The following KCNMA1 variants were observed in gnomAD, a reference collection of about 807,000 sequenced individuals.
KCNMA1 encodes the protein Calcium-activated potassium channel subunit alpha-1.
KCNMA1 carries 29 observed loss-of-function variants against 140.0 expected under a neutral mutation model. The observed-to-expected ratio is 0.21, with a 90% CI of 0.15 to 0.28. KCNMA1 has a LOEUF of 0.28. Ranked by LOEUF, KCNMA1 falls within the 10% of genes least tolerant of loss-of-function variation. The pLI, the probability that KCNMA1 is intolerant of heterozygous loss-of-function variation, is 1.00. For synonymous variants in KCNMA1, 612 were observed against 611.9 expected (o/e 1.00, Z 0.00); for missense variants, 880 against 1,602.2 (o/e 0.55, Z 7.70).
chr10:77,350,038 AC>A (rs1356147072), intron 2 of KCNMA1, among the ~76,000 whole-genome samples: 1 of 152,102 alleles, frequency 6.6e-6, no homozygotes, highest in East Asian at 1.9e-4. Context: ...AGCTGGGACT[AC>A]AGGCGCCTGC....
At chr10:77,136,962 T>G (rs985696772) in intron 5 of KCNMA1, among the ~76,000 whole-genome samples, 1 of 152,128 alleles carries the variant, frequency 6.6e-6, no homozygotes, top group Non-Finnish European at 1.5e-5. Context: ...CCTTCGAAAC[T>G]TGCTGCCCAG....
intron 20 of KCNMA1, among the ~76,000 whole-genome samples, chr10:76,956,381 C>A (rs995897216): frequency 6.6e-6 from 1 of 152,112 alleles, no homozygotes; most frequent in Non-Finnish European, 1.5e-5. Context: ...AGAGGTATGC[C>A]ACACTACACT....
At chr10:77,251,013 C>T (rs900951142) in intron 3 of KCNMA1, 182 bp downstream of exon 3, 6 of 634,596 alleles carry the variant, frequency 9.5e-6, no homozygotes, top group African/African-American at 1.8e-5. Context: ...TCAAAATAGC[C>T]TTCCTTCTGA....
At chr10:77,436,997 C>CACACACACACACACACA (rs59376789) in intron 1 of KCNMA1, among the ~76,000 whole-genome samples, 1 of 126,866 alleles carries the variant, frequency 7.9e-6, no homozygotes, top group African/African-American at 2.8e-5. Flanking sequence ...CACACACACA[C>CACACACACACACACACA]TCCTTCAGCC....
chr10:77,217,447 A>G, intron 3 of KCNMA1: 1 of 453,270 alleles, frequency 2.2e-6, no homozygotes. Context: ...TCCCAACATC[A>G]ACTGGTATGT....
intron 3 of KCNMA1, among the ~76,000 whole-genome samples, chr10:77,233,743 G>T (rs751386103): frequency 6.6e-6 from 1 of 152,140 alleles, no homozygotes; most frequent in Non-Finnish European, 1.5e-5. Flanking sequence ...CCCCTTTCTC[G>T]TTATCTCTTT....
chr10:76,880,288 C>T (rs1049809913), downstream of KCNMA1, among the ~76,000 whole-genome samples: 4 of 152,150 alleles, frequency 2.6e-5, no homozygotes, highest in South Asian at 8.3e-4. Context: ...AAACTTCTCT[C>T]TTTCCTTTTA....
intron 1 of KCNMA1, among the ~76,000 whole-genome samples, chr10:77,496,157 C>T (rs2154543583): frequency 6.6e-6 from 1 of 152,310 alleles, no homozygotes; most frequent in East Asian, 1.9e-4. Context: ...CTGGCCCTCC[C>T]TTAGCAGCAC....
At chr10:77,453,634 G>A (rs541772220) in intron 1 of KCNMA1, among the ~76,000 whole-genome samples, 2 of 152,286 alleles carry the variant, frequency 1.3e-5, no homozygotes, top group East Asian at 1.9e-4. Context: ...GGGCCCAGAT[G>A]TCTCCCTGAG....
intron 2 of KCNMA1, among the ~76,000 whole-genome samples, chr10:77,357,791 C>T (rs2093623858): frequency 6.6e-6 from 1 of 152,156 alleles, no homozygotes; most frequent in South Asian, 2.1e-4. Flanking sequence ...TTCAGATTCT[C>T]TTCATGACTT....
chr10:77,142,244 G>T (rs1001833665), intron 5 of KCNMA1, among the ~76,000 whole-genome samples: 1 of 151,870 alleles, frequency 6.6e-6, no homozygotes, highest in Non-Finnish European at 1.5e-5. Context: ...GGTGGCAGGT[G>T]CCTGTAGTCC....
At chr10:77,304,515 G>A (rs1288912912) in intron 2 of KCNMA1, 1 of 152,200 alleles carries the variant, frequency 6.6e-6, no homozygotes, top group East Asian at 1.9e-4. Flanking sequence ...ACTGAAGGAG[G>A]ACCTTCTTCT....
chr10:77,023,783 C>T, intron 16 of KCNMA1, among the ~76,000 whole-genome samples: 1 of 152,166 alleles, frequency 6.6e-6, no homozygotes, highest in East Asian at 1.9e-4. Context: ...ATACATGCTG[C>T]TGCTGGAGTC....
chr10:77,369,371 G>A (rs577220868), intron 2 of KCNMA1, among the ~76,000 whole-genome samples: 5 of 152,146 alleles, frequency 3.3e-5, no homozygotes, highest in African/African-American at 7.2e-5. Context: ...TCTGAAGGGG[G>A]ACCTAGGTGC....
At chr10:77,585,936 CT>C (rs2077160881) in intron 1 of KCNMA1, among the ~76,000 whole-genome samples, 2 of 152,160 alleles carry the variant, frequency 1.3e-5, no homozygotes, top group African/African-American at 4.8e-5. Context: ...TTTCCAAAAC[CT>C]TTTTCTCATA....
chr10:76,943,394 C>T (rs2063102576), intron 23 of KCNMA1, among the ~76,000 whole-genome samples: 1 of 152,164 alleles, frequency 6.6e-6, no homozygotes, highest in Non-Finnish European at 1.5e-5. Flanking sequence ...GTCAGAAGGA[C>T]AGAAGCCATT....
At chr10:77,035,967 AAG>A (rs2094301979) in intron 15 of KCNMA1, among the ~76,000 whole-genome samples, 1 of 152,158 alleles carries the variant, frequency 6.6e-6, no homozygotes, top group Non-Finnish European at 1.5e-5. Flanking sequence ...GGTGTTACCA[AAG>A]GAGATTAACA....
At position 77,079,524 on chromosome 10, in the gene KCNMA1, G is replaced by A. The variant is rs564244009; in HGVS notation, c.1550C>T (p.Pro517Leu). The change falls in exon 13 of 28, where the codon CCG (proline) becomes CTG (leucine). Residue 517 changes from proline (P) to leucine (L), a missense_variant. Transcript: ENST00000286628. ...CATTTGAGTGATGATTCTTATCTTC[G>A]GATGGTAGTTCTTTATGGAGATTAC... Reference protein sequence around the residue: ...MRVISIKNYHPKIRIITQMLQ... With the variant: ...MRVISIKNYHLKIRIITQMLQ... 4 of 1,611,664 alleles carry A rather than the reference G, an allele frequency of 2.5e-6. No individual in the cohort carries two copies. Among genetic ancestry groups the A allele is most frequent in the African/African-American group, 1.3e-5 (1 of 74,966 alleles).
intron 16 of KCNMA1, among the ~76,000 whole-genome samples, chr10:77,026,512 A>C (rs1357505506): frequency 6.6e-6 from 1 of 152,220 alleles, no homozygotes; most frequent in Non-Finnish European, 1.5e-5. Context: ...TCTGCTGAAC[A>C]ACTAATAATC....
Sources: gnomAD v4.1 joint callset for allele counts (sites outside exome capture counted in the v4.1 genomes callset) on GRCh38, gnomAD v4.1.1 for gene constraint, MANE v1.5 for transcripts, NCBI Gene and HGNC (gene_info 2026-07-23, HGNC 2026-07-21) for gene names.